SCN1A: variants seen among roughly 807,000 people sequenced by gnomAD.
SCN1A encodes sodium voltage-gated channel alpha subunit 1.
A neutral mutation model predicts 193.7 loss-of-function variants in SCN1A; 13 were observed. The ratio of observed to expected loss-of-function variants is 0.07; its 90% CI spans 0.04 to 0.11. The LOEUF is 0.11. Ranked by LOEUF, SCN1A falls within the 10% of genes least tolerant of loss-of-function variation. The pLI is 1.00. For missense variants in SCN1A, 1,432 were observed against 2,451.1 expected (o/e 0.58, Z 8.78); for synonymous variants, 781 against 843.6 (o/e 0.93, Z 1.29).
chr2:166,046,085 A>C (rs1697792474), intron 12 of SCN1A, among the ~76,000 whole-genome samples: 1 of 152,198 alleles, frequency 6.6e-6, no homozygotes, highest in Non-Finnish European at 1.5e-5. Context: ...TTACTCTTGC[A>C]TATAAATTAA....
At chr2:166,146,251 T>G (rs1558919637) in intron 1 of SCN1A, among the ~76,000 whole-genome samples, 1 of 152,156 alleles carries the variant, frequency 6.6e-6, no homozygotes, top group Non-Finnish European at 1.5e-5. Context: ...TGCCAACAGA[T>G]ATCTACCAAT....
chr2:166,066,922 T>C (rs1217927301), intron 4 of SCN1A, among the ~76,000 whole-genome samples: 1 of 152,198 alleles, frequency 6.6e-6, no homozygotes, highest in African/African-American at 2.4e-5. Flanking sequence ...CCCCTTTATC[T>C]AGCCCCAGGT....
At chr2:166,132,379 T>C (rs75586955), upstream of SCN1A, among the ~76,000 whole-genome samples, 1 of 3,638 alleles carries the variant, frequency 2.7e-4, no homozygotes, top group South Asian at 9.3e-3. Flanking sequence ...TTCCTAGTGG[T>C]TTTTTTTTTT....
chr2:166,019,640 T>C (rs1219485390), intron 19 of SCN1A, among the ~76,000 whole-genome samples: 1 of 152,204 alleles, frequency 6.6e-6, no homozygotes, highest in Admixed American at 6.5e-5. Context: ...ATGAAATTTC[T>C]GTTTATTCTT....
intron 3 of SCN1A, chr2:166,077,080 T>C (rs1367894709): frequency 2.0e-5 from 3 of 151,870 alleles, no homozygotes; most frequent in Non-Finnish European, 4.4e-5. Flanking sequence ...TTGTTTTTGG[T>C]TTTCTAGGAG....
At chr2:166,101,292 A>G (rs1204025573) in intron 2 of SCN1A, among the ~76,000 whole-genome samples, 1 of 144,892 alleles carries the variant, frequency 6.9e-6, no homozygotes, top group African/African-American at 2.6e-5. Flanking sequence ...TCTCACTCAT[A>G]GGTGGGAATT....
At chr2:166,031,207 G>A (rs994227255) in intron 19 of SCN1A, among the ~76,000 whole-genome samples, 11 of 152,040 alleles carry the variant, frequency 7.2e-5, no homozygotes, top group Non-Finnish European at 1.5e-4. Flanking sequence ...ACAGCCCTTA[G>A]TTTGCTCTGG....
Position 166,048,953 on chromosome 2 carries a change from T to A in SCN1A, c.965-4A>T. On this transcript the variant is annotated splice_region_variant and splice_polypyrimidine_tract_variant and intron_variant, in intron 9 of 28. Coordinates refer to ENST00000674923, the MANE Select transcript of SCN1A (RefSeq NM_001165963.4). ...CCCTCCAGGAAATAATGATATCCTG[T>A]TTGAAAAAAGAAAGTCGTATGATGA... 1.3e-6 allele frequency: 2 copies of A among 1,588,106 alleles called. No homozygotes were observed. The highest frequency in any genetic ancestry group is 8.6e-7 in the Non-Finnish European group (1 of 1,157,014).
rs535409363 is a variant in SCN1A at position 165,986,276 on chromosome 2, C to A, written c.*4969G>T. The A allele has an allele frequency of 6.6e-6, 1 of 152,194 alleles. No individual in the cohort carries two copies. Among genetic ancestry groups the A allele is most frequent in the South Asian group, 2.1e-4 (1 of 4,818 alleles). The allele number at this position is 152,194 out of a possible 1,614,324, so 9.4% of individuals were successfully genotyped here. A position where few individuals can be genotyped will look rare whatever the true frequency, so the allele number is the denominator to read the frequency against. On this transcript the variant is annotated 3_prime_UTR_variant, in exon 29 of 29. Coordinates refer to ENST00000674923, the MANE Select transcript of SCN1A (RefSeq NM_001165963.4). The stretch of plus-strand genomic sequence containing the variant: ...CATTATTCTTAATTTTCTGGCTTAA[C>A]TATAGACATATGAAAACCTTGTCAT...
At chr2:166,125,812 C>T (rs1221174190) in intron 2 of SCN1A, among the ~76,000 whole-genome samples, 1 of 152,036 alleles carries the variant, frequency 6.6e-6, no homozygotes, top group East Asian at 1.9e-4. Flanking sequence ...ATGGACAATC[C>T]CTCCTGCCAT....
intron 2 of SCN1A, among the ~76,000 whole-genome samples, chr2:166,095,672 T>A (rs1687298353): frequency 6.6e-6 from 1 of 152,202 alleles, no homozygotes. Context: ...TGTTCTTGGT[T>A]CAAAATATAC....
rs1191304368 is a variant in SCN1A at position 165,989,321 on chromosome 2, C to T, written c.*1924G>A. The T allele has an allele frequency of 6.6e-6, 1 of 152,364 alleles. No homozygotes were observed. The highest frequency in any genetic ancestry group is 1.5e-5 in the Non-Finnish European group (1 of 67,976). 9.4% of individuals were successfully genotyped at this position (152,364 alleles called of 1,614,324 possible). A position where few individuals can be genotyped will look rare whatever the true frequency, so the allele number is the denominator to read the frequency against. ...CTATGGTTTGCTTCTGTAAGAAACACAAAATGTCCTGATGTAATTGACTAT... is the reference window on the plus strand; with the variant it reads ...CTATGGTTTGCTTCTGTAAGAAACATAAAATGTCCTGATGTAATTGACTAT... On this transcript the variant is annotated 3_prime_UTR_variant, in exon 29 of 29. Transcript: ENST00000674923.
chr2:166,108,216 A>G (rs1688903072), intron 2 of SCN1A, among the ~76,000 whole-genome samples: 1 of 152,088 alleles, frequency 6.6e-6, no homozygotes, highest in Non-Finnish European at 1.5e-5. Flanking sequence ...CAACATCATT[A>G]ATCATGAAGG....
chr2:166,100,413 G>C (rs1418125553), intron 2 of SCN1A, among the ~76,000 whole-genome samples: 33 of 150,534 alleles, frequency 2.2e-4, no homozygotes, highest in African/African-American at 8.1e-4. Context: ...AAAAACCCTA[G>C]AAGAAAACCT....
rs191230529 is a variant in SCN1A at position 166,135,140 on chromosome 2, A to C, written c.-50+13907T>G. On this transcript the variant is annotated intron_variant, in intron 1 of 26. Coordinates refer to the SCN1A transcript ENST00000635750. ...CATCCCTTGCAAAGATGAATCAACAAAAGCTATTACCAAGAACAATATGAT... is the reference window on the plus strand; with the variant it reads ...CATCCCTTGCAAAGATGAATCAACACAAGCTATTACCAAGAACAATATGAT... 1.2e-4 allele frequency among the ~76,000 whole-genome samples: 19 copies of C among 152,264 alleles called. No homozygotes were observed. In the East Asian group the frequency reaches 3.7e-3, roughly 29 times the overall value.
chr2:166,088,559 T>G (rs771955946), intron 2 of SCN1A, among the ~76,000 whole-genome samples: 18 of 152,240 alleles, frequency 1.2e-4, no homozygotes, highest in Non-Finnish European at 2.4e-4. Flanking sequence ...TGTTCAATTA[T>G]ATGCTTTGTT....
At chr2:166,052,301 A>G (rs1698660993) in intron 8 of SCN1A, among the ~76,000 whole-genome samples, 1 of 151,994 alleles carries the variant, frequency 6.6e-6, no homozygotes, top group African/African-American at 2.4e-5. Flanking sequence ...AACTTGTCTC[A>G]TATTTTCATT....
chr2:166,137,913 C>T (rs1032442283), intron 1 of SCN1A, among the ~76,000 whole-genome samples: 17 of 152,234 alleles, frequency 1.1e-4, no homozygotes, highest in African/African-American at 4.8e-5. Context: ...ATATGAACAA[C>T]GAAATCCAGG....
At position 165,991,269 on chromosome 2, in the gene SCN1A, T is replaced by A; in HGVS notation, c.6006A>T (p.Lys2002Asn). 6.2e-7 allele frequency: 1 copy of A among 1,613,336 alleles called. No individual in the cohort carries two copies. Among genetic ancestry groups the A allele is most frequent in the East Asian group, 2.2e-5 (1 of 44,864 alleles). Residue 2002 changes from lysine (K) to asparagine (N), a missense_variant, in exon 29 of 29, where the codon AAA becomes AAT. By Grantham distance (94) the Lys-to-Asn change is moderately conservative. This residue lies in a region of SCN1A where 148 missense variants were observed against 160.3 expected (regional missense o/e 0.92). Transcript: ENST00000674923. The stretch of plus-strand genomic sequence containing the variant: ...TTTATTTCCCTTTGGCTTTTTCATC[T>A]TTGCCTTCTTGCTCATGTTTTTCCA... ...PIVEKHEQEG[K>N]DEKAKGK
Sources: gnomAD v4.1 joint callset for allele counts (sites outside exome capture counted in the v4.1 genomes callset) on GRCh38, gnomAD v4.1.1 for gene constraint, gnomAD v4.1.1 regional missense constraint, MANE v1.5 for transcripts, NCBI Gene and HGNC (gene_info 2026-07-23, HGNC 2026-07-21) for gene names.